Variants in DPP10 observed in about 807,000 individuals in gnomAD.
DPP10 encodes inactive dipeptidyl peptidase 10.
DPP10 carries 33 observed loss-of-function variants against 120.9 expected under a neutral mutation model. The ratio of observed to expected loss-of-function variants is 0.27; its 90% CI spans 0.21 to 0.37. The LOEUF is 0.37. DPP10 is among the 10% of genes least tolerant of loss of function. The probability of loss-of-function intolerance (pLI) is 1.00; values close to 1 mark genes in which losing one functional copy is unlikely to be tolerated. For missense variants in DPP10, 816 were observed against 942.8 expected (o/e 0.87, Z 1.76); for synonymous variants, 337 against 326.1 (o/e 1.03, Z -0.36).
chr2:114,899,416 C>T (rs1558859482), intron 1 of DPP10, among the ~76,000 whole-genome samples: 1 of 152,078 alleles, frequency 6.6e-6, no homozygotes, highest in Non-Finnish European at 1.5e-5. Context: ...AATTTAACAA[C>T]AGTACCAGCA....
intron 1 of DPP10, among the ~76,000 whole-genome samples, chr2:115,007,652 C>T (rs370846803): frequency 7.3e-5 from 11 of 151,426 alleles, no homozygotes; most frequent in Admixed American, 2.6e-4. Context: ...TGTTTGCAGA[C>T]GACATGATTG....
chr2:114,781,399 A>G (rs1682310972), intron 1 of DPP10, among the ~76,000 whole-genome samples: 2 of 152,180 alleles, frequency 1.3e-5, no homozygotes, highest in South Asian at 4.2e-4. Flanking sequence ...GTGGTTATCC[A>G]TGGATGGTGG....
chr2:115,749,199 A>G (rs1265317859), intron 10 of DPP10, among the ~76,000 whole-genome samples: 4 of 152,212 alleles, frequency 2.6e-5, no homozygotes, highest in African/African-American at 9.6e-5. Flanking sequence ...TGTGAATTTT[A>G]AAATATATAT....
intron 1 of DPP10, among the ~76,000 whole-genome samples, chr2:114,724,565 A>G (rs1701918451): frequency 6.6e-6 from 1 of 152,224 alleles, no homozygotes; most frequent in South Asian, 2.1e-4. Flanking sequence ...AGGAGAGTCA[A>G]GCACATGCAC....
intron 1 of DPP10, among the ~76,000 whole-genome samples, chr2:114,691,070 G>T (rs1699711976): frequency 6.6e-6 from 1 of 151,920 alleles, no homozygotes; most frequent in South Asian, 2.1e-4. Context: ...CCTTTCTCTT[G>T]CCTAATTGCC....
intron 5 of DPP10, among the ~76,000 whole-genome samples, chr2:115,654,032 C>T (rs1263792663): frequency 1.3e-5 from 2 of 151,686 alleles, no homozygotes; most frequent in Non-Finnish European, 2.9e-5. Flanking sequence ...TTTTAAAATT[C>T]GTAAAGCCCT....
intron 1 of DPP10, among the ~76,000 whole-genome samples, chr2:115,087,084 C>T (rs891881716): frequency 2.6e-5 from 4 of 152,136 alleles, no homozygotes; most frequent in African/African-American, 9.7e-5. Context: ...CTGTGTATTC[C>T]AAGTCGAGCG....
chr2:115,602,224 C>A (rs1446326791), intron 5 of DPP10, among the ~76,000 whole-genome samples: 1 of 152,034 alleles, frequency 6.6e-6, no homozygotes. Context: ...GGATGTGTTT[C>A]CAGAGATCAA....
chr2:114,755,271 A>C (rs1679620987), intron 1 of DPP10, among the ~76,000 whole-genome samples: 1 of 152,168 alleles, frequency 6.6e-6, no homozygotes, highest in African/African-American at 2.4e-5. Context: ...TTAGACTAGA[A>C]AGTGGTTACA....
At chr2:115,564,199 T>G (rs941158185) in intron 5 of DPP10, among the ~76,000 whole-genome samples, 7 of 151,766 alleles carry the variant, frequency 4.6e-5, no homozygotes, top group Non-Finnish European at 8.8e-5. Flanking sequence ...AAATGAGGTC[T>G]CTAATTATTT....
At chr2:114,661,957 G>C (rs10192873) in intron 1 of DPP10, among the ~76,000 whole-genome samples, 288 of 151,676 alleles carry the variant, frequency 1.9e-3, no homozygotes, top group African/African-American at 6.6e-3. Flanking sequence ...GGCTCTCCGG[G>C]ATCGCGCCGT....
intron 1 of DPP10, among the ~76,000 whole-genome samples, chr2:114,951,178 A>T (rs1393164169): frequency 6.6e-6 from 1 of 152,184 alleles, no homozygotes; most frequent in African/African-American, 2.4e-5. Flanking sequence ...ATCATAAATC[A>T]AGGCAAGATT....
chr2:115,338,729 CAAAAT>C (rs2063293332), intron 2 of DPP10, among the ~76,000 whole-genome samples: 1 of 152,082 alleles, frequency 6.6e-6, no homozygotes, highest in African/African-American at 2.4e-5. Context: ...AGACACAAAA[CAAAAT>C]AAACCAGCAG....
intron 17 of DPP10, among the ~76,000 whole-genome samples, chr2:115,785,011 A>G (rs1179720089): frequency 6.6e-6 from 1 of 152,216 alleles, no homozygotes; most frequent in Non-Finnish European, 1.5e-5. Flanking sequence ...GGCATCTTCC[A>G]TCTGTTTTTC....
chr2:115,731,300 G>C (rs2092903992), intron 8 of DPP10, among the ~76,000 whole-genome samples: 1 of 151,656 alleles, frequency 6.6e-6, no homozygotes, highest in African/African-American at 2.4e-5. Context: ...GGAGGTTGCA[G>C]AGCCAAGATC....
At chr2:115,794,186 T>C (rs1035431881) in intron 19 of DPP10, among the ~76,000 whole-genome samples, 3 of 152,226 alleles carry the variant, frequency 2.0e-5, no homozygotes, top group African/African-American at 7.2e-5. Context: ...GTCAGTACTT[T>C]ATTGCAATTT....
chr2:115,099,231 T>C (rs575350092), intron 1 of DPP10, among the ~76,000 whole-genome samples: 2 of 152,106 alleles, frequency 1.3e-5, no homozygotes, highest in South Asian at 4.2e-4. Context: ...GGAGAATCAC[T>C]TGAACCCAGG....
intron 1 of DPP10, among the ~76,000 whole-genome samples, chr2:114,724,680 A>G (rs1387300514): frequency 6.6e-6 from 1 of 152,202 alleles, no homozygotes; most frequent in Admixed American, 6.5e-5. Context: ...GGTGAACTTT[A>G]AGGCACAAAG....
intron 1 of DPP10, among the ~76,000 whole-genome samples, chr2:114,517,134 G>C (rs1455965330): frequency 6.6e-6 from 1 of 152,098 alleles, no homozygotes; most frequent in Non-Finnish European, 1.5e-5. Flanking sequence ...GATATCACAG[G>C]TAATAACTGA....
Sources: allele counts gnomAD v4.1 joint callset (sites outside exome capture counted in the v4.1 genomes callset), GRCh38; gene constraint gnomAD v4.1.1; transcripts MANE v1.5; gene names NCBI Gene and HGNC (gene_info 2026-07-23, HGNC 2026-07-21).